Variants in ERLEC1 observed in about 807,000 individuals in gnomAD.
ERLEC1 encodes endoplasmic reticulum lectin 1, also known as ER lectin.
In ERLEC1, 47 loss-of-function variants were observed where a neutral mutation model predicts 68.0. The observed-to-expected ratio is 0.69, with a 90% CI of 0.55 to 0.88. ERLEC1 has a LOEUF of 0.88. Among genes scored for constraint, ERLEC1 ranks in the 40% least tolerant of loss-of-function variants. The probability of loss-of-function intolerance (pLI) is 0.00; values close to 1 mark genes in which losing one functional copy is unlikely to be tolerated. For synonymous variants in ERLEC1, 225 were observed against 203.2 expected (o/e 1.11, Z -0.91); for missense variants, 567 against 583.8 (o/e 0.97, Z 0.30).
intron 13 of ERLEC1, 116 bp downstream of exon 13, chr2:53,815,051 G>C (rs1242096188): frequency 1.6e-6 from 1 of 612,722 alleles, no homozygotes; most frequent in African/African-American, 2.1e-5. Context: ...CTGTGGCTCA[G>C]GCAGAGTGCC....
rs1268399246 is a variant in ERLEC1 at position 53,795,965 on chromosome 2, A to C, written c.300A>C (p.Pro100=). 1 of 1,605,456 alleles carries C rather than the reference A, an allele frequency of 6.2e-7. No individual in the cohort carries two copies. Among genetic ancestry groups the C allele is most frequent in the South Asian group, 1.1e-5 (1 of 89,438 alleles). ...EEEKDYKGPN[P]RELLEPLFKQ... ...AAAAGGATTATAAAGGCCCTAATCC[A>C]AGAGAGCTTTTGGAGCCACTATTTA... is the stretch of plus-strand genomic sequence containing the variant. Residue 100 remains proline (P), a synonymous_variant, in exon 3 of 14, where the codon CCA becomes CCC. Coordinates refer to ENST00000185150, the MANE Select transcript of ERLEC1 (RefSeq NM_015701.5).
chr2:53,799,456 T>C (rs964097919), intron 6 of ERLEC1, among the ~76,000 whole-genome samples: 1 of 152,142 alleles, frequency 6.6e-6, no homozygotes, highest in South Asian at 2.1e-4. Flanking sequence ...AATAACAAGC[T>C]ACCAAACTGC....
Position 53,798,902 on chromosome 2 carries a change from A to G in ERLEC1, c.491-145A>G, listed in dbSNP as rs567145058. ...CATACAAAACCATTTCAAGGAAACT[A>G]GCTTTAAAGTAGTAAGATAAAAATC... On this transcript the variant is annotated intron_variant, in intron 5 of 13. Coordinates refer to ENST00000185150, the MANE Select transcript of ERLEC1 (RefSeq NM_015701.5). 21 of 505,828 alleles carry G rather than the reference A, an allele frequency of 4.2e-5. No homozygotes were observed. In the South Asian group the frequency reaches 1.2e-3, roughly 29 times the overall value. The allele number at this position is 505,828 out of a possible 1,614,324, so 31.3% of individuals were successfully genotyped here.
chr2:53,801,700 T>A lies in ERLEC1; in HGVS notation c.750-13T>A. On this transcript the variant is annotated splice_polypyrimidine_tract_variant and intron_variant, in intron 7 of 13. Coordinates refer to ENST00000185150, the MANE Select transcript of ERLEC1 (RefSeq NM_015701.5). ...TCTGTGCATAGCTTTAATGCTTTGTTCCTACTGAACAGGTTCAGAGCATCT... is the reference window on the plus strand; with the variant it reads ...TCTGTGCATAGCTTTAATGCTTTGTACCTACTGAACAGGTTCAGAGCATCT... The A allele has an allele frequency of 6.2e-7, 1 of 1,613,992 alleles. No individual in the cohort carries two copies. Among genetic ancestry groups the A allele is most frequent in the Middle Eastern group, 1.7e-4 (1 of 6,060 alleles).
Position 53,787,443 on chromosome 2 carries a change from T to C in ERLEC1, c.162+71T>C, listed in dbSNP as rs535686983. On this transcript the variant is annotated intron_variant, in intron 1 of 13. Coordinates refer to ENST00000185150, the MANE Select transcript of ERLEC1 (RefSeq NM_015701.5). ...AAGGGTTCGGCCTCTTCCCTCGGTTTTCTTTGCTTTTTCTCCCCAAGACCT... is the reference window on the plus strand; with the variant it reads ...AAGGGTTCGGCCTCTTCCCTCGGTTCTCTTTGCTTTTTCTCCCCAAGACCT... 7.8e-4 allele frequency: 1,179 copies of C among 1,510,360 alleles called. 2 individuals carry two copies. Among genetic ancestry groups the C allele is most frequent in the Admixed American group, 2.2e-3 (106 of 48,100 alleles). The allele number at this position is 1,510,360 out of a possible 1,614,324, so 93.6% of individuals were successfully genotyped here. A position where few individuals can be genotyped will look rare whatever the true frequency, so the allele number is the denominator to read the frequency against.
At chr2:53,792,110 T>G (rs769531189) in intron 1 of ERLEC1, among the ~76,000 whole-genome samples, 45 of 151,966 alleles carry the variant, frequency 3.0e-4, no homozygotes, top group Non-Finnish European at 4.9e-4. Flanking sequence ...GAGACAGGGT[T>G]TCACCGTCTT....
intron 1 of ERLEC1, among the ~76,000 whole-genome samples, chr2:53,789,193 A>G (rs558719245): frequency 9.9e-5 from 15 of 152,148 alleles, no homozygotes; most frequent in African/African-American, 3.4e-4. Flanking sequence ...CAGGAATTCA[A>G]GACAAGCCTG....
chr2:53,794,453 A>C lies in ERLEC1; in HGVS notation c.267+4A>C. 1.5e-6 allele frequency: 2 copies of C among 1,365,988 alleles called. No individual in the cohort carries two copies. Among genetic ancestry groups the C allele is most frequent in the Non-Finnish European group, 2.1e-6 (2 of 972,426 alleles). 84.6% of individuals were successfully genotyped at this position (1,365,988 alleles called of 1,614,324 possible). ...CCTTGTGACAAGTGGGGATGAGGTA[A>C]GTTTTTATAAATATATTGATAATCC... On this transcript the variant is annotated splice_donor_region_variant and intron_variant, in intron 2 of 13. Transcript: ENST00000185150.
At chr2:53,789,261 G>T (rs1468397505) in intron 1 of ERLEC1, among the ~76,000 whole-genome samples, 19 of 151,878 alleles carry the variant, frequency 1.3e-4, no homozygotes. Context: ...GGGCGTGGTG[G>T]TGCACACCAG....
chr2:53,797,460 T>A, intron 3 of ERLEC1, 55 bp from the exon 4 acceptor site: 2 of 1,325,142 alleles, frequency 1.5e-6, no homozygotes, highest in Non-Finnish European at 2.1e-6. Context: ...TATCAGAAAG[T>A]AATTCAGCTG....
At chr2:53,815,461 T>C (rs1676827355) in intron 13 of ERLEC1, among the ~76,000 whole-genome samples, 1 of 152,202 alleles carries the variant, frequency 6.6e-6, no homozygotes, top group Non-Finnish European at 1.5e-5. Flanking sequence ...CCACAGATCT[T>C]AAGTGTTGAG....
chr2:53,814,262 AT>A (rs931718468), intron 11 of ERLEC1, among the ~76,000 whole-genome samples: 7 of 152,228 alleles, frequency 4.6e-5, no homozygotes, highest in African/African-American at 1.7e-4. Context: ...TTTTAAAGGA[AT>A]CTAACCAAAA....
At chr2:53,808,573 C>T in intron 9 of ERLEC1, 113 bp downstream of exon 9, 1 of 987,586 alleles carries the variant, frequency 1.0e-6, no homozygotes, top group South Asian at 1.5e-5. Flanking sequence ...ATGACAGGAT[C>T]CTTTCATCCC....
intron 8 of ERLEC1, among the ~76,000 whole-genome samples, chr2:53,802,114 A>G (rs910963589): frequency 5.3e-5 from 8 of 152,158 alleles, no homozygotes; most frequent in Admixed American, 1.3e-4. Flanking sequence ...TATTTGTCCC[A>G]GCTAACCCTC....
At chr2:53,787,608 A>G (rs1410317913) in intron 1 of ERLEC1, 5 of 411,224 alleles carry the variant, frequency 1.2e-5, no homozygotes, top group East Asian at 1.1e-4. Flanking sequence ...CACCTTTTCA[A>G]TTCTGTCGCA....
chr2:53,796,105 G>C, intron 3 of ERLEC1, 92 bp downstream of exon 3: 2 of 882,196 alleles, frequency 2.3e-6, no homozygotes, highest in Non-Finnish European at 3.3e-6. Flanking sequence ...ATTATGTTGT[G>C]TCAGGTTTTT....
intron 6 of ERLEC1, among the ~76,000 whole-genome samples, chr2:53,800,946 C>T (rs1392558794): frequency 6.6e-6 from 1 of 151,974 alleles, no homozygotes; most frequent in African/African-American, 2.4e-5. Context: ...CTATACAACC[C>T]TATTTTTTGG....
At chr2:53,809,150 C>A in intron 9 of ERLEC1, 64 bp from the exon 10 acceptor site, 1 of 1,092,740 alleles carries the variant, frequency 9.2e-7, no homozygotes, top group South Asian at 1.4e-5. Context: ...CCATTACTGT[C>A]ATGTGGCATT....
At chr2:53,794,519 C>T (rs1194189285) in intron 2 of ERLEC1, 70 bp downstream of exon 2, 2 of 696,938 alleles carry the variant, frequency 2.9e-6, no homozygotes, top group Non-Finnish European at 2.4e-6. Context: ...TAACTACATA[C>T]TTTGAAGTAA....
Sources: gnomAD v4.1 joint callset for allele counts (sites outside exome capture counted in the v4.1 genomes callset) on GRCh38, gnomAD v4.1.1 for gene constraint, MANE v1.5 for transcripts, NCBI Gene and HGNC (gene_info 2026-07-23, HGNC 2026-07-21) for gene names.